The following MEOX2 variants were observed in gnomAD, a reference collection of about 807,000 sequenced individuals.
MEOX2 encodes the protein homeobox protein MOX-2.
A neutral mutation model predicts 27.0 loss-of-function variants in MEOX2; 11 were observed. The ratio of observed to expected loss-of-function variants is 0.41; its 90% CI spans 0.26 to 0.68. MEOX2 has a LOEUF of 0.68. Ranked by LOEUF, MEOX2 falls within the 30% of genes least tolerant of loss-of-function variation. The pLI is 0.33. For synonymous variants in MEOX2, 189 were observed against 155.4 expected (o/e 1.22, Z -1.61); for missense variants, 436 against 385.4 (o/e 1.13, Z -1.10).
chr7:15,678,549 T>C (rs948879966), intron 1 of MEOX2, among the ~76,000 whole-genome samples: 7 of 152,208 alleles, frequency 4.6e-5, no homozygotes, highest in Non-Finnish European at 1.0e-4. Flanking sequence ...TTTCAACTAA[T>C]AAGAATACAC....
At chr7:15,647,327 T>C (rs758048608) in intron 1 of MEOX2, among the ~76,000 whole-genome samples, 1 of 152,076 alleles carries the variant, frequency 6.6e-6, no homozygotes, top group African/African-American at 2.4e-5. Context: ...GAACCCACCA[T>C]AGCAGTATCT....
chr7:15,612,477 A>T lies in MEOX2; in HGVS notation c.825T>A (p.Ile275=). 6.2e-7 allele frequency: 1 copy of T among 1,614,098 alleles called. No homozygotes were observed. Among genetic ancestry groups the T allele is most frequent in the Non-Finnish European group, 8.5e-7 (1 of 1,180,016 alleles). The change falls in exon 3 of 3, where the codon ATT becomes ATA. Residue 275 remains isoleucine, a synonymous_variant. Coordinates refer to ENST00000262041, the MANE Select transcript of MEOX2 (RefSeq NM_005924.5). ...CTGTTTGCTGGAGGGTGGCTGCACC[A>T]ATTCCCGACAGCTCTGATGGGAGAA... ...GTLLPSELSG[I]GAATLQQTGD...
intron 1 of MEOX2, among the ~76,000 whole-genome samples, chr7:15,634,244 G>T (rs1358988719): frequency 6.6e-6 from 1 of 151,866 alleles, no homozygotes; most frequent in Non-Finnish European, 1.5e-5. Flanking sequence ...TGTTACATTT[G>T]TATTCAATGA....
intron 1 of MEOX2, among the ~76,000 whole-genome samples, chr7:15,648,539 G>T (rs190524061): frequency 5.6e-4 from 85 of 151,908 alleles, no homozygotes; most frequent in Non-Finnish European, 1.0e-3. Flanking sequence ...AAGGGATCTG[G>T]GTCCTTTATT....
At chr7:15,673,343 G>C (rs1485361525) in intron 1 of MEOX2, among the ~76,000 whole-genome samples, 1 of 151,966 alleles carries the variant, frequency 6.6e-6, no homozygotes, top group Admixed American at 6.6e-5. Flanking sequence ...GATCTTAAAA[G>C]GTGTAACCAT....
chr7:15,623,777 T>A (rs1377321121), intron 2 of MEOX2, among the ~76,000 whole-genome samples: 1 of 152,256 alleles, frequency 6.6e-6, no homozygotes, highest in East Asian at 1.9e-4. Flanking sequence ...ACCAGAAACA[T>A]TATCCAATAC....
intron 1 of MEOX2, among the ~76,000 whole-genome samples, chr7:15,636,980 C>T (rs563815108): frequency 2.6e-5 from 4 of 151,946 alleles, no homozygotes; most frequent in African/African-American, 9.7e-5. Context: ...AGCACTGTTG[C>T]CCTGGGGATC....
At chr7:15,682,029 G>C (rs1489693318) in intron 1 of MEOX2, 1 of 151,564 alleles carries the variant, frequency 6.6e-6, no homozygotes, top group Non-Finnish European at 1.5e-5. Context: ...TCACATTTTA[G>C]AGCCCTCATG....
At chr7:15,622,590 A>T (rs1284545276) in intron 2 of MEOX2, among the ~76,000 whole-genome samples, 1 of 152,218 alleles carries the variant, frequency 6.6e-6, no homozygotes, top group Non-Finnish European at 1.5e-5. Flanking sequence ...AAGAATGAAT[A>T]TGAAAAGACA....
chr7:15,616,751 TC>T, intron 2 of MEOX2, among the ~76,000 whole-genome samples: 1 of 152,088 alleles, frequency 6.6e-6, no homozygotes, highest in Admixed American at 6.6e-5. Context: ...ACAAGAATTC[TC>T]ACATTTCCTT....
chr7:15,637,876 A>G (rs912107438), intron 1 of MEOX2, among the ~76,000 whole-genome samples: 2 of 152,016 alleles, frequency 1.3e-5, no homozygotes, highest in African/African-American at 4.8e-5. Flanking sequence ...AGAATTAGAG[A>G]ATTTAAAGTG....
chr7:15,619,797 T>C (rs531075580), intron 2 of MEOX2, among the ~76,000 whole-genome samples: 54 of 152,204 alleles, frequency 3.5e-4, no homozygotes, highest in Non-Finnish European at 4.9e-4. Context: ...TATTTTTCTT[T>C]GGTTTTTAAA....
intron 1 of MEOX2, among the ~76,000 whole-genome samples, chr7:15,646,911 G>C (rs1217630801): frequency 3.3e-5 from 5 of 151,850 alleles, no homozygotes; most frequent in African/African-American, 1.2e-4. Context: ...AAGTGCTTAT[G>C]TCAAAATATA....
chr7:15,652,256 C>A (rs1244747907), intron 1 of MEOX2, among the ~76,000 whole-genome samples: 1 of 152,006 alleles, frequency 6.6e-6, no homozygotes, highest in East Asian at 1.9e-4. Context: ...TTTTGAGATG[C>A]CTCTTTAGAA....
chr7:15,612,114 G>A lies in MEOX2; in HGVS notation c.*273C>T, dbSNP rs1051237566. On this transcript the variant is annotated 3_prime_UTR_variant, in exon 3 of 3. Coordinates refer to ENST00000262041, the MANE Select transcript of MEOX2 (RefSeq NM_005924.5). ...AATTTAATTTTCAGTGCAAGCAAAA[G>A]CAAACACATACCTGCTCACTGCCAT... The A allele has an allele frequency of 3.3e-5, 15 of 450,440 alleles. No individual in the cohort carries two copies. The highest frequency in any genetic ancestry group is 2.7e-4 in the African/African-American group (14 of 51,444). The allele number at this position is 450,440 out of a possible 1,614,324, so 27.9% of individuals were successfully genotyped here. A position where few individuals can be genotyped will look rare whatever the true frequency, so the allele number is the denominator to read the frequency against.
intron 1 of MEOX2, among the ~76,000 whole-genome samples, chr7:15,673,694 G>C (rs1782146848): frequency 1.3e-5 from 2 of 149,456 alleles, no homozygotes; most frequent in Admixed American, 1.3e-4. Context: ...TACCGATTAA[G>C]ATGAGAGATT....
At chr7:15,651,255 C>G (rs1338755236) in intron 1 of MEOX2, among the ~76,000 whole-genome samples, 4 of 151,936 alleles carry the variant, frequency 2.6e-5, no homozygotes, top group Non-Finnish European at 5.9e-5. Context: ...AATATCCACG[C>G]TCCTTGGATA....
intron 1 of MEOX2, among the ~76,000 whole-genome samples, chr7:15,640,434 G>A (rs1562602143): frequency 6.6e-6 from 1 of 152,076 alleles, no homozygotes; most frequent in African/African-American, 2.4e-5. Context: ...TTGAAGGAAT[G>A]TTTAGAGTTT....
intron 1 of MEOX2, among the ~76,000 whole-genome samples, chr7:15,670,008 A>G (rs1782070321): frequency 1.3e-5 from 2 of 152,152 alleles, no homozygotes; most frequent in Non-Finnish European, 2.9e-5. Flanking sequence ...GCCTGGAAGA[A>G]TCTCCCTAGT....
Sources: allele counts gnomAD v4.1 joint callset (sites outside exome capture counted in the v4.1 genomes callset), GRCh38; gene constraint gnomAD v4.1.1; transcripts MANE v1.5; gene names NCBI Gene and HGNC (gene_info 2026-07-23, HGNC 2026-07-21).